The following FGF13 variants were observed in gnomAD, a reference collection of about 807,000 sequenced individuals.
The protein encoded by FGF13 is fibroblast growth factor 13.
Under a neutral mutation model 19.5 loss-of-function variants are expected in FGF13, and 2 were observed. The ratio of observed to expected loss-of-function variants is 0.10; its 90% CI spans 0.04 to 0.32. The LOEUF (loss-of-function observed/expected upper bound fraction) is 0.32, where lower values mean the gene tolerates loss of function less well. FGF13 is among the 10% of genes least tolerant of loss of function. The pLI, the probability that FGF13 is intolerant of heterozygous loss-of-function variation, is 1.00. For synonymous variants in FGF13, 72 were observed against 76.9 expected (o/e 0.94, Z 0.33); for missense variants, 113 against 192.7 (o/e 0.59, Z 2.45).
At chrX:138,787,388 C>A (rs2090702099) in intron 3 of FGF13, among the ~76,000 whole-genome samples, 1 of 111,904 alleles carries the variant, frequency 8.9e-6, no homozygotes, top group African/African-American at 3.3e-5. Flanking sequence ...ATTTATTTCT[C>A]ATAGTTCTTG....
At position 138,811,284 on chromosome X, in the gene FGF13, T is replaced by C. The variant is rs749503177; in HGVS notation, c.217+46228A>G. On this transcript the variant is annotated intron_variant, in intron 3 of 6. Coordinates refer to the FGF13 transcript ENST00000436198. ...GCAGCCATAAAAAAGGATGAGTTCA[T>C]GTCCTTTGTAGGGACATGGATGAAG... Among the ~76,000 whole-genome samples, 14 of 111,459 alleles carry C rather than the reference T, an allele frequency of 1.3e-4. No homozygotes were observed. In the East Asian group the frequency reaches 3.9e-3, roughly 31 times the overall value.
At chrX:138,922,828 A>G (rs5976222) in intron 1 of FGF13, among the ~76,000 whole-genome samples, 2,610 of 111,985 alleles carry the variant, frequency 0.023, 71 homozygotes, top group African/African-American at 0.079. Flanking sequence ...TTTCTTTGTA[A>G]GATGCCCCGC....
intron 1 of FGF13, among the ~76,000 whole-genome samples, chrX:138,955,533 C>T (rs1216596698): frequency 3.6e-5 from 4 of 111,972 alleles, no homozygotes; most frequent in African/African-American, 1.3e-4. Flanking sequence ...TAAGTTAACT[C>T]GACCAAGGTT....
intron 1 of FGF13, chrX:138,984,970 T>C (rs772471464): frequency 1.2e-5 from 4 of 333,446 alleles, no homozygotes; most frequent in Non-Finnish European, 1.8e-5. Context: ...AAAGGCAGTT[T>C]GGGGGAATAT....
chrX:139,021,470 C>A (rs1346722521), intron 1 of FGF13, among the ~76,000 whole-genome samples: 3 of 111,123 alleles, frequency 2.7e-5, no homozygotes, highest in African/African-American at 9.8e-5. Flanking sequence ...TAACACACAC[C>A]TGTCAAAAAC....
At chrX:138,950,233 CT>C (rs200087199) in intron 1 of FGF13, among the ~76,000 whole-genome samples, 3,035 of 111,724 alleles carry the variant, frequency 0.027, 111 homozygotes, top group African/African-American at 0.093. Flanking sequence ...AGTACCATTC[CT>C]GAACACAGAA....
rs139128060 is a variant in FGF13, at chrX:138,974,143, G to A, written c.-112-109493C>T. On this transcript the variant is annotated intron_variant, in intron 1 of 2. Transcript: ENST00000421460. ...AAACTCTAATAAATATATTGCTATT[G>A]TTTATAAATTACCCAGTCTGCAGCA... is the stretch of plus-strand genomic sequence containing the variant. Among the ~76,000 whole-genome samples the A allele has an allele frequency of 4.3e-4, 48 of 111,887 alleles. No individual in the cohort carries two copies. The East Asian group carries it at 0.013, about 30-fold the overall frequency.
At chrX:139,185,900 G>T (rs1463159759) in intron 1 of FGF13, among the ~76,000 whole-genome samples, 1 of 111,591 alleles carries the variant, frequency 9.0e-6, no homozygotes, top group Non-Finnish European at 1.9e-5. Flanking sequence ...AGCAAAGTAA[G>T]GGGGAAAAAT....
chrX:139,141,720 C>T (rs777201534), intron 1 of FGF13, among the ~76,000 whole-genome samples: 4 of 112,537 alleles, frequency 3.6e-5, no homozygotes, highest in Admixed American at 2.8e-4. Flanking sequence ...GCAGTTTCTT[C>T]CTACTTCTCT....
At chrX:139,102,401 C>T (rs770806345) in intron 1 of FGF13, among the ~76,000 whole-genome samples, 7 of 111,528 alleles carry the variant, frequency 6.3e-5, no homozygotes, top group Non-Finnish European at 1.3e-4. Flanking sequence ...ATTGTCAGCA[C>T]AGCATTGTGG....
chrX:138,959,215 T>C (rs2091856947), intron 1 of FGF13, among the ~76,000 whole-genome samples: 1 of 111,861 alleles, frequency 8.9e-6, no homozygotes, highest in Non-Finnish European at 1.9e-5. Context: ...GATTCTGGCA[T>C]GTTGTGTCCT....
intron 1 of FGF13, among the ~76,000 whole-genome samples, chrX:138,965,123 G>A (rs772478648): frequency 1.8e-5 from 2 of 112,202 alleles, no homozygotes; most frequent in East Asian, 5.7e-4. Flanking sequence ...AATGATGAAA[G>A]AACAAAAGGA....
At chrX:139,141,094 T>TAGATA (rs1232331132) in intron 1 of FGF13, among the ~76,000 whole-genome samples, 1 of 91,955 alleles carries the variant, frequency 1.1e-5, no homozygotes, top group African/African-American at 4.5e-5. Flanking sequence ...GATAGATAGA[T>TAGATA]AAGAGTGTAC....
chrX:138,848,532 C>T (rs1419038833), intron 3 of FGF13, among the ~76,000 whole-genome samples: 2 of 111,704 alleles, frequency 1.8e-5, no homozygotes, highest in African/African-American at 6.5e-5. Flanking sequence ...TATTTCTTCT[C>T]AAGAAATATT....
intron 1 of FGF13, among the ~76,000 whole-genome samples, chrX:138,877,922 A>C (rs1180166894): frequency 9.0e-6 from 1 of 111,538 alleles, no homozygotes; most frequent in Admixed American, 9.5e-5. Flanking sequence ...TCCCTGTTTT[A>C]AATTATTTTG....
intron 1 of FGF13, among the ~76,000 whole-genome samples, chrX:139,171,538 T>G (rs1390270558): frequency 8.9e-6 from 1 of 111,963 alleles, no homozygotes; most frequent in Non-Finnish European, 1.9e-5. Flanking sequence ...GAACAGATCC[T>G]ATGCCCCAGT....
At chrX:139,062,114 G>A (rs2092338306) in intron 1 of FGF13, among the ~76,000 whole-genome samples, 1 of 109,994 alleles carries the variant, frequency 9.1e-6, no homozygotes, top group African/African-American at 3.3e-5. Flanking sequence ...GTTCTTTTTT[G>A]GTCTTATCCA....
chrX:138,902,051 A>G (rs1397558614), intron 1 of FGF13, among the ~76,000 whole-genome samples: 1 of 112,540 alleles, frequency 8.9e-6, no homozygotes, highest in Non-Finnish European at 1.9e-5. Flanking sequence ...GGAGGAGAGT[A>G]GAGAAACTGA....
At chrX:138,980,219 T>C (rs1359968321) in intron 1 of FGF13, among the ~76,000 whole-genome samples, 2 of 111,509 alleles carry the variant, frequency 1.8e-5, no homozygotes, top group Non-Finnish European at 3.8e-5. Flanking sequence ...CTGAAAAGTC[T>C]GTCCATCTCT....
Sources: allele counts gnomAD v4.1 joint callset (sites outside exome capture counted in the v4.1 genomes callset), GRCh38; gene constraint gnomAD v4.1.1; transcripts MANE v1.5; gene names NCBI Gene and HGNC (gene_info 2026-07-23, HGNC 2026-07-21).